Variants in CCDC150 observed in about 807,000 individuals in gnomAD.
CCDC150 encodes the protein coiled-coil domain-containing protein 150.
A neutral mutation model predicts 156.5 loss-of-function variants in CCDC150; 151 were observed. The observed-to-expected ratio is 0.97, with a 90% CI of 0.85 to 1.10. CCDC150 has a LOEUF of 1.10. CCDC150 is among the 50% of genes least tolerant of loss of function. The pLI is 0.00. For missense variants in CCDC150, 1,312 were observed against 1,268.1 expected (o/e 1.03, Z -0.53); for synonymous variants, 452 against 429.4 (o/e 1.05, Z -0.65).
At chr2:196,652,532 C>T (rs1392563545) in intron 2 of CCDC150, among the ~76,000 whole-genome samples, 1 of 152,264 alleles carries the variant, frequency 6.6e-6, no homozygotes, top group African/African-American at 2.4e-5. Flanking sequence ...CTCTGTCCCT[C>T]TGGCTTTGCA....
At chr2:196,642,869 AGCTAGG>A (rs1477438378) in intron 1 of CCDC150, among the ~76,000 whole-genome samples, 1 of 152,092 alleles carries the variant, frequency 6.6e-6, no homozygotes, top group Non-Finnish European at 1.5e-5. Flanking sequence ...CCTCCCAAGT[AGCTAGG>A]GCTACAGGCA....
chr2:196,727,628 A>G, intron 22 of CCDC150: 1 of 152,216 alleles, frequency 6.6e-6, no homozygotes, highest in Non-Finnish European at 1.5e-5. Flanking sequence ...TACAAATGTT[A>G]TAAAAAGCAA....
In CCDC150 at chr2:196,640,220, A is replaced by C. The variant is rs572394934; in HGVS notation, c.12+442A>C. ...TACCTGGCGCTCTTGCTAGAACGGA[A>C]TAGACATTCGTTAAATTCCTGTCGA... is the stretch of plus-strand genomic sequence containing the variant. On this transcript the variant is annotated intron_variant, in intron 1 of 27. Transcript: ENST00000389175. 2.0e-5 allele frequency among the ~76,000 whole-genome samples: 3 copies of C among 152,314 alleles called. No homozygotes were observed. The South Asian group carries it at 6.2e-4, about 32-fold the overall frequency.
In CCDC150 at chr2:196,680,725, C is replaced by T. The variant is rs78882276; in HGVS notation, c.1509+3364C>T. Among the ~76,000 whole-genome samples the T allele has an allele frequency of 1.9e-3, 295 of 152,164 alleles. 8 individuals are homozygous for T. In the East Asian group the frequency reaches 0.043, roughly 22 times the overall value. On this transcript the variant is annotated intron_variant, in intron 13 of 27. Transcript: ENST00000389175. ...GTGTAAACATATGTTTTCAGTTGTCCGAGGTATAACCTAGGAGTGGAACTA... is the reference window on the plus strand; with the variant it reads ...GTGTAAACATATGTTTTCAGTTGTCTGAGGTATAACCTAGGAGTGGAACTA...
intron 9 of CCDC150, 71 bp downstream of exon 9, chr2:196,672,508 A>G: frequency 1.3e-6 from 1 of 777,094 alleles, no homozygotes; most frequent in Non-Finnish European, 1.9e-6. Context: ...CAAGAAACAA[A>G]ATTAGTCTTG....
intron 5 of CCDC150, among the ~76,000 whole-genome samples, chr2:196,660,398 T>TTGCAGAA (rs1325341860): frequency 2.6e-5 from 4 of 152,220 alleles, no homozygotes; most frequent in African/African-American, 9.6e-5. Context: ...CCAACCTGTC[T>TTGCAGAA]TGCAGAATGA....
Position 196,656,966 on chromosome 2 carries a change from A to C in CCDC150, c.406A>C (p.Lys136Gln). The change falls in exon 4 of 28, where the codon AAA becomes CAA. Residue 136 changes from lysine to glutamine, a missense_variant. Physicochemically the swap from Lys to Gln is moderately conservative, Grantham distance 53. Coordinates refer to ENST00000389175, the MANE Select transcript of CCDC150 (RefSeq NM_001080539.2). ...DLNPQKTAFL[K>Q]DRLNAIQEEH... is the part of the protein sequence containing the mutation. ...CCTGTGCGGTCTGGTAGCTTTTCTG[A>C]AAGATCGACTGAATGCAATACAGGA... 1 of 1,613,368 alleles carries C rather than the reference A, an allele frequency of 6.2e-7. No individual in the cohort carries two copies. The highest frequency in any genetic ancestry group is 1.1e-5 in the South Asian group (1 of 90,984).
chr2:196,715,685 C>T (rs1302317750), intron 17 of CCDC150, among the ~76,000 whole-genome samples: 1 of 152,242 alleles, frequency 6.6e-6, no homozygotes, highest in Admixed American at 6.5e-5. Context: ...ATCTTTGCTC[C>T]ATACCTCACA....
rs72916695 is a variant in CCDC150 at position 196,645,695 on chromosome 2, G to A, written c.13-646G>A. On this transcript the variant is annotated intron_variant, in intron 1 of 27. Coordinates refer to ENST00000389175, the MANE Select transcript of CCDC150 (RefSeq NM_001080539.2). ...TTGCGTTTTGGGGGAGGAGTCTGTG[G>A]AAAGTTGATGTCAATAGCTGTAGAA... Among the ~76,000 whole-genome samples, 1,172 of 152,262 alleles carry A rather than the reference G, an allele frequency of 7.7e-3. 14 individuals carry two copies. The highest frequency in any genetic ancestry group is 0.013 in the Non-Finnish European group (899 of 68,020).
chr2:196,684,205 T>C (rs1049975314), intron 13 of CCDC150, among the ~76,000 whole-genome samples: 1 of 152,174 alleles, frequency 6.6e-6, no homozygotes, highest in Non-Finnish European at 1.5e-5. Context: ...AATTTCCCTC[T>C]CTGCACTGCT....
intron 5 of CCDC150, among the ~76,000 whole-genome samples, chr2:196,659,397 C>A (rs903197752): frequency 1.3e-5 from 2 of 152,002 alleles, no homozygotes; most frequent in African/African-American, 4.8e-5. Flanking sequence ...CTCAATATTC[C>A]CTGACATAAT....
chr2:196,682,945 A>G (rs935747774), intron 13 of CCDC150, among the ~76,000 whole-genome samples: 1 of 151,792 alleles, frequency 6.6e-6, no homozygotes, highest in African/African-American at 2.4e-5. Context: ...TGGGCTCTCT[A>G]TTTGCTATGT....
intron 7 of CCDC150, among the ~76,000 whole-genome samples, chr2:196,668,261 C>T (rs111302505): frequency 1.2e-3 from 168 of 136,104 alleles, no homozygotes; most frequent in African/African-American, 4.4e-3. Context: ...CGTGCCATTG[C>T]ACTCCAGCCT....
intron 5 of CCDC150, among the ~76,000 whole-genome samples, chr2:196,664,637 G>A (rs1287732028): frequency 6.6e-6 from 1 of 152,096 alleles, no homozygotes; most frequent in Non-Finnish European, 1.5e-5. Context: ...TAAATCATTG[G>A]CCATTGATGA....
rs1218254229 is a variant in CCDC150 at position 196,659,997 on chromosome 2, CT to C, written c.645+1138del. On this transcript the variant is annotated intron_variant, in intron 5 of 27. Transcript: ENST00000389175. The stretch of plus-strand genomic sequence containing the variant: ...TACCCATCCTTCCTCATGTCTTCCC[CT>C]GAGCCCCTGACAACCACTGATCTTT... Among the ~76,000 whole-genome samples the C allele has an allele frequency of 2.1e-4, 32 of 152,288 alleles. 1 individual carries two copies. The East Asian group carries it at 5.8e-3, about 28-fold the overall frequency.
rs1338762364 is a variant in CCDC150, at chr2:196,693,652, C to T, written c.1510-1394C>T. Among the ~76,000 whole-genome samples the T allele has an allele frequency of 2.6e-5, 4 of 152,072 alleles. No individual in the cohort carries two copies. The East Asian group carries it at 5.8e-4, about 22-fold the overall frequency. On this transcript the variant is annotated intron_variant, in intron 13 of 27. Coordinates refer to ENST00000389175, the MANE Select transcript of CCDC150 (RefSeq NM_001080539.2). ...CTTTTATTATGTTTTCTTGCCTTAT[C>T]GCACCAGCTATGGCCTCCTGTATGA...
chr2:196,692,629 G>T (rs1006937005), intron 13 of CCDC150, among the ~76,000 whole-genome samples: 2 of 152,182 alleles, frequency 1.3e-5, no homozygotes, highest in Non-Finnish European at 2.9e-5. Flanking sequence ...ATGTAGTTGT[G>T]TGGTTTTGAA....
intron 13 of CCDC150, among the ~76,000 whole-genome samples, chr2:196,681,735 T>C (rs1218539938): frequency 6.6e-6 from 1 of 152,138 alleles, no homozygotes; most frequent in Non-Finnish European, 1.5e-5. Context: ...AGCAGCTTCT[T>C]GTGTGCTTAC....
intron 1 of CCDC150, among the ~76,000 whole-genome samples, chr2:196,641,459 G>C (rs950626763): frequency 3.9e-5 from 6 of 152,084 alleles, no homozygotes; most frequent in African/African-American, 1.4e-4. Flanking sequence ...TATATAACAG[G>C]TCTTTGCTCA....
Sources: gnomAD v4.1 joint callset for allele counts (sites outside exome capture counted in the v4.1 genomes callset) on GRCh38, gnomAD v4.1.1 for gene constraint, MANE v1.5 for transcripts, NCBI Gene and HGNC (gene_info 2026-07-23, HGNC 2026-07-21) for gene names.